The following ASAP1 variants were observed in gnomAD, a reference collection of about 807,000 sequenced individuals.
ASAP1 encodes the protein arf-GAP with SH3 domain, ANK repeat and PH domain-containing protein 1.
ASAP1 carries 43 observed loss-of-function variants against 145.2 expected under a neutral mutation model. That is an observed-to-expected ratio of 0.30 (90% CI 0.23 to 0.38). The LOEUF (loss-of-function observed/expected upper bound fraction) is 0.38, where lower values mean the gene tolerates loss of function less well. Among genes scored for constraint, ASAP1 ranks in the 10% least tolerant of loss-of-function variants. The pLI, the probability that ASAP1 is intolerant of heterozygous loss-of-function variation, is 1.00. For missense variants in ASAP1, 1,018 were observed against 1,355.3 expected (o/e 0.75, Z 3.91); for synonymous variants, 546 against 515.5 (o/e 1.06, Z -0.80).
chr8:130,224,664 A>T (rs1361583973), intron 4 of ASAP1, among the ~76,000 whole-genome samples: 1 of 152,228 alleles, frequency 6.6e-6, no homozygotes, highest in Non-Finnish European at 1.5e-5. Flanking sequence ...AATAAAAATC[A>T]TGAAATTTAA....
At chr8:130,260,113 T>A (rs1264468165) in intron 3 of ASAP1, among the ~76,000 whole-genome samples, 1 of 152,246 alleles carries the variant, frequency 6.6e-6, no homozygotes, top group East Asian at 1.9e-4. Context: ...TGTTTTTCTT[T>A]CCATTCAGTA....
rs1020121202 is a variant in ASAP1, at chr8:130,420,994, G to A, written c.-27-19024C>T. ...ATACCTACTTGGTAGAATGGGTATC[G>A]GGCTCCAATGAGGAACATACAGTAT... On this transcript the variant is annotated intron_variant, in intron 1 of 29. Transcript: ENST00000518721. 5.3e-5 allele frequency among the ~76,000 whole-genome samples: 8 copies of A among 151,952 alleles called. No individual in the cohort carries two copies. In the East Asian group the frequency reaches 7.7e-4, roughly 15 times the overall value.
chr8:130,215,667 C>G (rs1415677103), intron 4 of ASAP1, among the ~76,000 whole-genome samples: 1 of 152,046 alleles, frequency 6.6e-6, no homozygotes, highest in Non-Finnish European at 1.5e-5. Flanking sequence ...TGGTGTGAAC[C>G]TGGGAGGCGG....
At chr8:130,254,610 A>G (rs761018359) in intron 3 of ASAP1, among the ~76,000 whole-genome samples, 1 of 152,208 alleles carries the variant, frequency 6.6e-6, no homozygotes, top group Non-Finnish European at 1.5e-5. Flanking sequence ...AAATAAAAAT[A>G]ATAAAATTCA....
At chr8:130,182,831 C>CAAAAAAAAAA in intron 7 of ASAP1, among the ~76,000 whole-genome samples, 1 of 73,584 alleles carries the variant, frequency 1.4e-5, no homozygotes, top group Non-Finnish European at 2.6e-5. Context: ...TATAAAAAGG[C>CAAAAAAAAAA]AAAAAAAAAA....
intron 3 of ASAP1, among the ~76,000 whole-genome samples, chr8:130,283,432 G>T (rs933386415): frequency 2.6e-5 from 4 of 151,864 alleles, no homozygotes; most frequent in African/African-American, 9.7e-5. Context: ...ACAAAAAGTA[G>T]CTGCGCATGG....
rs555107161 is a variant in ASAP1, at chr8:130,409,017, T to G, written c.-27-7047A>C. On this transcript the variant is annotated intron_variant, in intron 1 of 29. Coordinates refer to ENST00000518721, the MANE Select transcript of ASAP1 (RefSeq NM_018482.4). ...TGGCTCATGCTTGTAATCCCAGCACTTTGGGAGGCCAAGGCGGGTGGATTA... is the reference window on the plus strand; with the variant it reads ...TGGCTCATGCTTGTAATCCCAGCACGTTGGGAGGCCAAGGCGGGTGGATTA... 3.3e-5 allele frequency among the ~76,000 whole-genome samples: 5 copies of G among 152,222 alleles called. No individual in the cohort carries two copies. The South Asian group carries it at 1.0e-3, about 32-fold the overall frequency.
At chr8:130,128,370 T>G (rs1296037343) in intron 15 of ASAP1, among the ~76,000 whole-genome samples, 1 of 151,788 alleles carries the variant, frequency 6.6e-6, no homozygotes, top group Non-Finnish European at 1.5e-5. Flanking sequence ...ACTGAGGACT[T>G]GAACGAATAT....
intron 1 of ASAP1, among the ~76,000 whole-genome samples, chr8:130,430,177 G>T (rs1830089221): frequency 6.6e-6 from 1 of 152,134 alleles, no homozygotes; most frequent in Non-Finnish European, 1.5e-5. Context: ...CAAACTCTCA[G>T]CTAAAAAGGA....
intron 8 of ASAP1, among the ~76,000 whole-genome samples, chr8:130,180,046 AAGGG>A (rs1297566670): frequency 4.0e-4 from 55 of 138,420 alleles, no homozygotes; most frequent in African/African-American, 1.4e-3. Flanking sequence ...GGAAGGAAGG[AAGGG>A]AGGGAGGGAG....
chr8:130,299,336 ACT>A (rs1242554296), intron 3 of ASAP1, among the ~76,000 whole-genome samples: 1 of 152,248 alleles, frequency 6.6e-6, no homozygotes, highest in Non-Finnish European at 1.5e-5. Context: ...GCAACAGAAC[ACT>A]GTTTTAATGC....
rs1271194567 is a variant in ASAP1, at chr8:130,188,163, A to G, written c.426T>C (p.Asn142=). The change falls in exon 6 of 30, where the codon AAT becomes AAC. Residue 142 remains asparagine, a synonymous_variant. Transcript: ENST00000518721. ...ACAAAGAATCCAAGGTGAAGATCAC[A>G]TTGTGGCTCAAACCCTGGAGCTGAA... ...LKNLLQGLSH[N]VIFTLDSLLK... is the part of the protein sequence containing the mutation. 1.2e-6 allele frequency: 2 copies of G among 1,613,894 alleles called. No individual in the cohort carries two copies. Among genetic ancestry groups the G allele is most frequent in the Non-Finnish European group, 1.7e-6 (2 of 1,179,870 alleles).
At chr8:130,103,776 A>G (rs1486414831) in intron 24 of ASAP1, among the ~76,000 whole-genome samples, 1 of 152,166 alleles carries the variant, frequency 6.6e-6, no homozygotes, top group African/African-American at 2.4e-5. Flanking sequence ...GGCCTCCCAA[A>G]GTGCTGGGAT....
intron 1 of ASAP1, among the ~76,000 whole-genome samples, chr8:130,422,625 T>C (rs947383387): frequency 6.6e-6 from 1 of 152,208 alleles, no homozygotes; most frequent in African/African-American, 2.4e-5. Context: ...CTCTCTCCCA[T>C]GGATCAGCCT....
chr8:130,271,104 T>C (rs559087480), intron 3 of ASAP1, among the ~76,000 whole-genome samples: 1 of 152,350 alleles, frequency 6.6e-6, no homozygotes, highest in South Asian at 2.1e-4. Flanking sequence ...TGCTCTGATT[T>C]GGTCTCACTT....
At chr8:130,172,079 T>G (rs565582883) in intron 9 of ASAP1, among the ~76,000 whole-genome samples, 23 of 152,198 alleles carry the variant, frequency 1.5e-4, no homozygotes, top group Non-Finnish European at 2.6e-4. Flanking sequence ...TAACTTCTCT[T>G]GGCCTCAGTT....
At chr8:130,109,738 T>G (rs1005459899) in intron 24 of ASAP1, among the ~76,000 whole-genome samples, 3 of 152,186 alleles carry the variant, frequency 2.0e-5, no homozygotes, top group Admixed American at 6.5e-5. Context: ...TTCTAAGAGC[T>G]CCATTCTAAA....
At chr8:130,118,079 G>C (rs1487764939) in intron 20 of ASAP1, 82 bp downstream of exon 20, 3 of 1,200,968 alleles carry the variant, frequency 2.5e-6, no homozygotes, top group Non-Finnish European at 3.6e-6. Flanking sequence ...GCCAATTCCC[G>C]ATCTAGGCCA....
chr8:130,257,754 A>T (rs1016032899), intron 3 of ASAP1, among the ~76,000 whole-genome samples: 1 of 150,582 alleles, frequency 6.6e-6, no homozygotes, highest in Non-Finnish European at 1.5e-5. Context: ...TCTTTAACAC[A>T]ATATTTTCTA....
Sources: gnomAD v4.1 joint callset for allele counts (sites outside exome capture counted in the v4.1 genomes callset) on GRCh38, gnomAD v4.1.1 for gene constraint, MANE v1.5 for transcripts, NCBI Gene and HGNC (gene_info 2026-07-23, HGNC 2026-07-21) for gene names.